The following CDKN2B-AS1 variants were observed in gnomAD, a reference collection of about 807,000 sequenced individuals.
CDKN2B-AS1 encodes CDKN2B and CDKN2A antisense cis and trans regulatory RNA 1, also known as CDKN2B antisense RNA 1 (non-protein coding).
chr9:22,035,576 C>G (rs559300882), intron 1 of CDKN2B-AS1, among the ~76,000 whole-genome samples: 1 of 152,076 alleles, frequency 6.6e-6, no homozygotes, highest in Non-Finnish European at 1.5e-5. Context: ...GTCTGTGGTT[C>G]CACGAGGGGT....
Position 21,997,210 on chromosome 9 carries a change from G to A in CDKN2B-AS1, n.29+2049G>A, listed in dbSNP as rs1820728395. On this transcript the variant is annotated intron_variant and non_coding_transcript_variant, in intron 1 of 4. Coordinates refer to ENST00000650946, the Ensembl canonical transcript of CDKN2B-AS1. This position sits in a 1 kb window ranked among gnomAD's most constrained non-coding sequence, Gnocchi z 4.8. Reference sequence around the variant, plus strand: ...ACATGTTACTATACTGAATACTGTAGATAATTGTAACAAAATGTAGTTTTA... The same window carrying A: ...ACATGTTACTATACTGAATACTGTAAATAATTGTAACAAAATGTAGTTTTA... 6.6e-6 allele frequency among the ~76,000 whole-genome samples: 1 copy of A among 152,150 alleles called. No homozygotes were observed. Among genetic ancestry groups the A allele is most frequent in the South Asian group, 2.1e-4 (1 of 4,836 alleles).
At chr9:22,111,267 G>T (rs180727129) in intron 4 of CDKN2B-AS1, among the ~76,000 whole-genome samples, 1 of 152,258 alleles carries the variant, frequency 6.6e-6, no homozygotes, top group Non-Finnish European at 1.5e-5. Flanking sequence ...GAGTGAGTTG[G>T]TGGTGAGGCC....
intron 1 of CDKN2B-AS1, among the ~76,000 whole-genome samples, chr9:22,038,490 A>T (rs1246174691): frequency 6.6e-6 from 1 of 151,978 alleles, no homozygotes; most frequent in Non-Finnish European, 1.5e-5. Context: ...TGCCTCTTTT[A>T]AAAATCTTTT....
intron 4 of CDKN2B-AS1, among the ~76,000 whole-genome samples, chr9:22,101,283 A>G (rs924285952): frequency 1.3e-5 from 2 of 152,100 alleles, no homozygotes; most frequent in African/African-American, 4.8e-5. Context: ...TTCAATGCTC[A>G]TAACAATCTT....
rs561434558 is a variant in CDKN2B-AS1, at chr9:22,103,756, T to C, written n.439-23347T>C. Among the ~76,000 whole-genome samples, 128 of 152,332 alleles carry C rather than the reference T, an allele frequency of 8.4e-4. 1 individual carries two copies. The highest frequency in any genetic ancestry group is 1.3e-3 in the Non-Finnish European group (91 of 68,038). On this transcript the variant is annotated intron_variant and non_coding_transcript_variant, in intron 4 of 4. Transcript: ENST00000650946. ...AGCCAACCCCCTGTATTGTACTCCT[T>C]TAAAAAATATTTTAGGCTTTTTAAA...
At chr9:22,077,990 T>C in intron 4 of CDKN2B-AS1, 1 of 152,342 alleles carries the variant, frequency 6.6e-6, no homozygotes, top group Middle Eastern at 3.4e-3. Context: ...TGCTTCATAT[T>C]TTTAAGTTTT....
At chr9:22,114,946 C>T (rs1825907652) in intron 4 of CDKN2B-AS1, among the ~76,000 whole-genome samples, 1 of 152,042 alleles carries the variant, frequency 6.6e-6, no homozygotes, top group Admixed American at 6.6e-5. Flanking sequence ...AACTCATGGC[C>T]CGATGATTTT....
chr9:22,020,400 G>T (rs1207271379), intron 1 of CDKN2B-AS1, among the ~76,000 whole-genome samples: 1 of 152,118 alleles, frequency 6.6e-6, no homozygotes, highest in Non-Finnish European at 1.5e-5. Context: ...CCCAGTAATG[G>T]GATTGCTGGG....
At chr9:22,014,051 G>A (rs566959971) in intron 1 of CDKN2B-AS1, among the ~76,000 whole-genome samples, 9 of 152,264 alleles carry the variant, frequency 5.9e-5, no homozygotes, top group African/African-American at 2.2e-4. Context: ...GATTCTAGCA[G>A]CCATGGATAA....
intron 1 of CDKN2B-AS1, among the ~76,000 whole-genome samples, chr9:22,018,241 T>C (rs987359121): frequency 1.3e-5 from 2 of 151,020 alleles, no homozygotes; most frequent in Non-Finnish European, 1.5e-5. Flanking sequence ...GGAGAATTGC[T>C]TGAACCCAGG....
chr9:22,104,698 G>A (rs1007735317), intron 4 of CDKN2B-AS1, among the ~76,000 whole-genome samples: 11 of 151,912 alleles, frequency 7.2e-5, no homozygotes, highest in African/African-American at 2.7e-4. Flanking sequence ...TTTGTTTTTT[G>A]TTCATTTACT....
intron 4 of CDKN2B-AS1, chr9:22,096,466 G>C (rs898874232): frequency 2.6e-5 from 4 of 152,188 alleles, no homozygotes; most frequent in African/African-American, 9.7e-5. Flanking sequence ...AACGCACTAT[G>C]GTATGGAAGG....
chr9:22,030,115 G>A (rs1333051784), intron 1 of CDKN2B-AS1: 3 of 152,164 alleles, frequency 2.0e-5, no homozygotes, highest in Non-Finnish European at 4.4e-5. Flanking sequence ...ATGTCATACT[G>A]AAAAACAGAA....
chr9:22,022,114 A>T (rs1822042151), intron 1 of CDKN2B-AS1, among the ~76,000 whole-genome samples: 1 of 152,138 alleles, frequency 6.6e-6, no homozygotes, highest in South Asian at 2.1e-4. Context: ...TGTGGTAATG[A>T]GAAGAATGTA....
At chr9:22,055,513 A>C (rs1823522691) in intron 3 of CDKN2B-AS1, among the ~76,000 whole-genome samples, 1 of 152,224 alleles carries the variant, frequency 6.6e-6, no homozygotes, top group Non-Finnish European at 1.5e-5. Context: ...AAGGCAGGAT[A>C]AGTAGTTTTG....
rs553769514 is a variant in CDKN2B-AS1 at position 22,093,801 on chromosome 9, G to A, written n.439-33302G>A. ...TGCCAGTCTGTGTCTTTTAATTGGAGCATTTAGCCCATTTACATTTAAGGT... is the reference window on the plus strand; with the variant it reads ...TGCCAGTCTGTGTCTTTTAATTGGAACATTTAGCCCATTTACATTTAAGGT... On this transcript the variant is annotated intron_variant and non_coding_transcript_variant, in intron 4 of 4. Transcript: ENST00000650946. Among the ~76,000 whole-genome samples, 263 of 144,316 alleles carry A rather than the reference G, an allele frequency of 1.8e-3. 52 individuals are homozygous for A. Among genetic ancestry groups the A allele is most frequent in the African/African-American group, 7.1e-3 (246 of 34,526 alleles). The allele number at this position is 144,316 out of a possible 152,430, so 94.7% of individuals were successfully genotyped here.
chr9:22,120,259 C>A (rs1368938455), intron 4 of CDKN2B-AS1: 1 of 152,194 alleles, frequency 6.6e-6, no homozygotes, highest in African/African-American at 2.4e-5. Context: ...GCCTTTGCAG[C>A]TTTCTGCTAC....
rs527909187 is a variant in CDKN2B-AS1 at position 21,999,428 on chromosome 9, A to G, written n.29+4267A>G. 6.6e-6 allele frequency among the ~76,000 whole-genome samples: 1 copy of G among 152,052 alleles called. No individual in the cohort carries two copies. Among genetic ancestry groups the G allele is most frequent in the South Asian group, 2.1e-4 (1 of 4,826 alleles). On this transcript the variant is annotated intron_variant and non_coding_transcript_variant, in intron 1 of 4. Coordinates refer to ENST00000650946, the Ensembl canonical transcript of CDKN2B-AS1. This position sits in a 1 kb window ranked among gnomAD's most constrained non-coding sequence, Gnocchi z 4.7. Reference sequence around the variant, plus strand: ...CATGTATGTAACATATATAATACATATCTTTATATACACATATGTACACAC... The same window carrying G: ...CATGTATGTAACATATATAATACATGTCTTTATATACACATATGTACACAC...
chr9:22,072,932 G>T (rs1048908248), intron 4 of CDKN2B-AS1, among the ~76,000 whole-genome samples: 6 of 152,202 alleles, frequency 3.9e-5, no homozygotes, highest in African/African-American at 1.4e-4. Flanking sequence ...GAAATTGAAA[G>T]GAGATAAGTA....
Sources: allele counts gnomAD v4.1 joint callset (sites outside exome capture counted in the v4.1 genomes callset), GRCh38; gene constraint gnomAD v4.1.1; non-coding constraint Gnocchi (gnomAD v3.1); transcripts MANE v1.5; gene names NCBI Gene and HGNC (gene_info 2026-07-23, HGNC 2026-07-21).